The following BUB1B variants were observed in gnomAD, a reference collection of about 807,000 sequenced individuals.
BUB1B encodes the protein BUB1 mitotic checkpoint serine/threonine kinase B.
In BUB1B, 86 loss-of-function variants were observed where a neutral mutation model predicts 137.7. The observed-to-expected ratio is 0.62, with a 90% CI of 0.52 to 0.75. BUB1B has a LOEUF of 0.75. Ranked by LOEUF, BUB1B falls within the 30% of genes least tolerant of loss-of-function variation. BUB1B has a pLI of 0.00. For missense variants in BUB1B, 1,130 were observed against 1,236.9 expected (o/e 0.91, Z 1.30); for synonymous variants, 420 against 417.9 (o/e 1.00, Z -0.06).
At chr15:40,206,935 A>G (rs1049703954) in intron 15 of BUB1B, among the ~76,000 whole-genome samples, 3 of 152,060 alleles carry the variant, frequency 2.0e-5, no homozygotes, top group Non-Finnish European at 4.4e-5. Context: ...TCAGCCTCCC[A>G]AGTAGCTGGG....
intron 20 of BUB1B, 56 bp from the exon 21 acceptor site, chr15:40,217,440 T>C: frequency 1.3e-6 from 2 of 1,563,588 alleles, no homozygotes; most frequent in Non-Finnish European, 1.8e-6. Context: ...AGACCAGCTA[T>C]GCAGCTTCTT....
chr15:40,200,310 C>A lies in BUB1B; in HGVS notation c.1468C>A (p.Pro490Thr), dbSNP rs1465653297. The A allele has an allele frequency of 6.2e-7, 1 of 1,613,892 alleles. No homozygotes were observed. Among genetic ancestry groups the A allele is most frequent in the Non-Finnish European group, 8.5e-7 (1 of 1,179,886 alleles). Residue 490 changes from proline to threonine, a missense_variant, in exon 11 of 23, where the codon CCA becomes ACA. By Grantham distance (38) the Pro-to-Thr change is conservative. Transcript: ENST00000287598. ...AATTGCTTCCGAGTCTCAGAAAATACCAGGAATGACTCTATCCAGTTCTGT... is the reference window on the plus strand; with the variant it reads ...AATTGCTTCCGAGTCTCAGAAAATAACAGGAATGACTCTATCCAGTTCTGT... ...LQIASESQKI[P>T]GMTLSSSVCQ...
chr15:40,197,569 T>C (rs1405505292), intron 9 of BUB1B, among the ~76,000 whole-genome samples: 2 of 152,212 alleles, frequency 1.3e-5, no homozygotes, highest in African/African-American at 4.8e-5. Flanking sequence ...CTTTTATACA[T>C]CCGTATCCAG....
chr15:40,191,678 T>G (rs924500391), intron 8 of BUB1B, among the ~76,000 whole-genome samples: 1 of 152,208 alleles, frequency 6.6e-6, no homozygotes, highest in Non-Finnish European at 1.5e-5. Flanking sequence ...TCCAAATTCA[T>G]TTTTCTTCAT....
intron 6 of BUB1B, 75 bp from the exon 7 acceptor site, chr15:40,185,090 A>G: frequency 1.6e-6 from 2 of 1,238,852 alleles, no homozygotes; most frequent in Non-Finnish European, 2.4e-6. Flanking sequence ...GTTGAGGAAG[A>G]ATAGGTATAC....
chr15:40,161,340 AG>A, intron 1 of BUB1B, 85 bp downstream of exon 1: 3 of 1,491,026 alleles, frequency 2.0e-6, no homozygotes, highest in Non-Finnish European at 1.8e-6. Context: ...GGAGCAGTCG[AG>A]GGGGAGATCG....
At position 40,212,489 on chromosome 15, in the gene BUB1B, T is replaced by C. The variant is rs759271695; in HGVS notation, c.2386-10T>C. On this transcript the variant is annotated splice_polypyrimidine_tract_variant and intron_variant, in intron 18 of 22. Coordinates refer to ENST00000287598, the MANE Select transcript of BUB1B (RefSeq NM_001211.6). Reference sequence around the variant, plus strand: ...AACTGAACTTATTTTTAAAATACAATGTCTTACAGGTATCTTCTCAACCTG... The same window carrying C: ...AACTGAACTTATTTTTAAAATACAACGTCTTACAGGTATCTTCTCAACCTG... 1.9e-6 allele frequency: 3 copies of C among 1,608,418 alleles called. No homozygotes were observed. The East Asian group carries it at 6.7e-5, about 36-fold the overall frequency.
chr15:40,202,464 A>C lies in BUB1B; in HGVS notation c.1627A>C (p.Ser543Arg). Reference sequence around the variant, plus strand: ...TCTTCTTTCAGAAAAGAAGAATAAAAGGTACGTTGTTTTTTTGTTTTTTTG... The same window carrying C: ...TCTTCTTTCAGAAAAGAAGAATAAACGGTACGTTGTTTTTTTGTTTTTTTG... ...EFLLSEKKNK[S>R]PPADPPRVLA... is the part of the protein sequence containing the mutation. The change falls in exon 13 of 23, where the codon AGT becomes CGT. Residue 543 changes from serine (S) to arginine (R), a missense_variant and splice_region_variant. By Grantham distance (110) the Ser-to-Arg change is moderately radical. Transcript: ENST00000287598. 6.2e-7 allele frequency: 1 copy of C among 1,611,872 alleles called. No homozygotes were observed. The highest frequency in any genetic ancestry group is 8.5e-7 in the Non-Finnish European group (1 of 1,178,866).
In BUB1B at chr15:40,202,491, T is replaced by G. The variant is rs201605859; in HGVS notation, c.1628+26T>G. The stretch of plus-strand genomic sequence containing the variant: ...GTACGTTGTTTTTTTGTTTTTTTGG[T>G]TTTTTTTTACTTAAGAATTTTCTGT... On this transcript the variant is annotated intron_variant, in intron 13 of 22. Transcript: ENST00000287598. 8.7e-4 allele frequency: 1,394 copies of G among 1,593,652 alleles called. 5 individuals carry two copies. Among genetic ancestry groups the G allele is most frequent in the South Asian group, 5.0e-3 (448 of 89,968 alleles).
chr15:40,194,894 A>G (rs1041073983), intron 8 of BUB1B, among the ~76,000 whole-genome samples: 3 of 152,242 alleles, frequency 2.0e-5, no homozygotes, highest in East Asian at 1.9e-4. Context: ...GCTTTCACCT[A>G]TAAGTAATAT....
chr15:40,200,321 TC>T lies in BUB1B; in HGVS notation c.1480del (p.Leu494TyrfsTer8). On this transcript the variant is annotated frameshift_variant, in exon 11 of 23. Transcript: ENST00000287598. LOFTEE classifies it high-confidence loss of function. ...AGTCTCAGAAAATACCAGGAATGAC[TC>T]TATCCAGTTCTGTTTGTCAAGTAAA... ...SESQKIPGMTLSSSVCQVNCC... is the reference protein window; with the variant it reads ...SESQKIPGMTXSSSVCQVNCC... 1 of 1,613,884 alleles carries T rather than the reference TC, an allele frequency of 6.2e-7. No individual in the cohort carries two copies. The highest frequency in any genetic ancestry group is 8.5e-7 in the Non-Finnish European group (1 of 1,179,840).
chr15:40,193,893 TAA>T lies in BUB1B; in HGVS notation c.1059-2636_1059-2635del, dbSNP rs79901868. Reference sequence around the variant, plus strand: ...TGGGTGACAAGAGCAAGATTCTGTCTAAAAAAAAAAAAAAAAACAGGGTCTCA... The same window carrying T: ...TGGGTGACAAGAGCAAGATTCTGTCTAAAAAAAAAAAAAAACAGGGTCTCA... On this transcript the variant is annotated intron_variant, in intron 8 of 22. Coordinates refer to ENST00000287598, the MANE Select transcript of BUB1B (RefSeq NM_001211.6). Among the ~76,000 whole-genome samples the T allele has an allele frequency of 6.0e-4, 73 of 122,666 alleles. 1 individual carries two copies. Among genetic ancestry groups the T allele is most frequent in the Middle Eastern group, 4.1e-3 (1 of 244 alleles). 80.5% of individuals were successfully genotyped at this position (122,666 alleles called of 152,430 possible).
chr15:40,168,784 C>T (rs552455477), intron 2 of BUB1B, among the ~76,000 whole-genome samples: 9 of 152,258 alleles, frequency 5.9e-5, no homozygotes, highest in African/African-American at 2.2e-4. Flanking sequence ...CACTCACCTT[C>T]CTTTGGATGA....
intron 15 of BUB1B, 141 bp downstream of exon 15, chr15:40,206,599 GC>G: frequency 9.8e-7 from 1 of 1,019,954 alleles, no homozygotes; most frequent in African/African-American, 1.6e-5. Flanking sequence ...GAGTAGGGCT[GC>G]CCCAGATGAA....
At chr15:40,213,546 CT>C in intron 20 of BUB1B, 72 bp downstream of exon 20, 1 of 1,524,918 alleles carries the variant, frequency 6.6e-7, no homozygotes. Context: ...TTTTTTTTTT[CT>C]TTTTTGAGGC....
chr15:40,167,213 G>C (rs1304527317), intron 2 of BUB1B, among the ~76,000 whole-genome samples: 3 of 146,422 alleles, frequency 2.0e-5, no homozygotes, highest in African/African-American at 7.6e-5. Flanking sequence ...TTTAAATTTT[G>C]ATGAAGTTCA....
chr15:40,175,330 G>A (rs2037212416), intron 4 of BUB1B, among the ~76,000 whole-genome samples: 2 of 152,068 alleles, frequency 1.3e-5, no homozygotes, highest in Non-Finnish European at 1.5e-5. Context: ...AAAAGAATTC[G>A]AGGTTGCAGT....
chr15:40,186,447 T>A (rs1482401706), intron 8 of BUB1B, among the ~76,000 whole-genome samples: 2 of 134,850 alleles, frequency 1.5e-5, no homozygotes, highest in East Asian at 4.1e-4. Flanking sequence ...TTTTTTTTTT[T>A]TTTTTTTTGA....
intron 16 of BUB1B, 131 bp downstream of exon 16, chr15:40,208,901 C>A: frequency 2.2e-6 from 2 of 924,698 alleles, no homozygotes; most frequent in Non-Finnish European, 3.4e-6. Flanking sequence ...GTGGCACAAT[C>A]AAACTCACTG....
Sources: allele counts gnomAD v4.1 joint callset (sites outside exome capture counted in the v4.1 genomes callset), GRCh38; gene constraint gnomAD v4.1.1; transcripts MANE v1.5; gene names NCBI Gene and HGNC (gene_info 2026-07-23, HGNC 2026-07-21).